The following GCSAML variants were observed in gnomAD, a reference collection of about 807,000 sequenced individuals.
GCSAML encodes germinal center associated signaling and motility like.
GCSAML carries 9 observed loss-of-function variants against 13.0 expected under a neutral mutation model. That is an observed-to-expected ratio of 0.69 (90% CI 0.42 to 1.21). The LOEUF (loss-of-function observed/expected upper bound fraction) is 1.21. Among genes scored for constraint, GCSAML ranks in the 50% most tolerant of loss-of-function variants. The pLI is 0.00. For missense variants in GCSAML, 143 were observed against 153.4 expected (o/e 0.93, Z 0.36); for synonymous variants, 37 against 52.9 (o/e 0.70, Z 1.31).
chr1:247,531,765 C>T (rs1666972306), intron 2 of GCSAML: 2 of 1,614,186 alleles, frequency 1.2e-6, no homozygotes, highest in East Asian at 2.2e-5. Context: ...AAAACAGAGA[C>T]ACCACAGCCA....
At chr1:247,561,987 A>T (rs1449529911) in intron 2 of GCSAML, among the ~76,000 whole-genome samples, 1 of 152,110 alleles carries the variant, frequency 6.6e-6, no homozygotes. Context: ...CAGGCTTAAG[A>T]CCTGTCCTCT....
chr1:247,566,041 A>G, intron 4 of GCSAML, 82 bp downstream of exon 4: 1 of 932,724 alleles, frequency 1.1e-6, no homozygotes. Context: ...AATACAGATG[A>G]TTTATTCAAG....
intron 2 of GCSAML, chr1:247,532,439 C>G (rs778698708): frequency 6.2e-7 from 1 of 1,614,040 alleles, no homozygotes; most frequent in Non-Finnish European, 8.5e-7. Flanking sequence ...AGGACAGTTT[C>G]TAGTGAGGGT....
At chr1:247,532,196 G>T in intron 2 of GCSAML, 1 of 1,614,150 alleles carries the variant, frequency 6.2e-7, no homozygotes, top group Non-Finnish European at 8.5e-7. Flanking sequence ...CCCAGCCAAT[G>T]GGAGATATAG....
chr1:247,546,513 C>T (rs1319321509), upstream of GCSAML, among the ~76,000 whole-genome samples: 10 of 152,098 alleles, frequency 6.6e-5, no homozygotes, highest in Non-Finnish European at 8.8e-5. Context: ...TGCCCGCCAC[C>T]ACGCCTGGCT....
chr1:247,556,158 C>T (rs1667938014), intron 1 of GCSAML, among the ~76,000 whole-genome samples: 1 of 152,110 alleles, frequency 6.6e-6, no homozygotes, highest in African/African-American at 2.4e-5. Context: ...TGTTGGGTCA[C>T]AAGAAATCCT....
chr1:247,552,642 C>A (rs1667814098), intron 1 of GCSAML, among the ~76,000 whole-genome samples: 1 of 152,186 alleles, frequency 6.6e-6, no homozygotes, highest in African/African-American at 2.4e-5. Flanking sequence ...TAAATTTGTA[C>A]ACAAATTCTG....
chr1:247,524,663 C>A (rs1021701066), intron 1 of GCSAML: 1 of 151,976 alleles, frequency 6.6e-6, no homozygotes, highest in Non-Finnish European at 1.5e-5. Context: ...ATGAACAGTC[C>A]CACAACTAGA....
In GCSAML at chr1:247,556,483, T is replaced by G. The variant is rs367895671; in HGVS notation, c.89+17T>G. On this transcript the variant is annotated intron_variant, in intron 2 of 4. Transcript: ENST00000366488. ...AAGAAAACGGTAAGAACAGAGCATCTCAGAGTTTTTTTGTTTTGTTTTGTT... is the reference window on the plus strand; with the variant it reads ...AAGAAAACGGTAAGAACAGAGCATCGCAGAGTTTTTTTGTTTTGTTTTGTT... The G allele has an allele frequency of 1.3e-6, 2 of 1,584,918 alleles. No homozygotes were observed. The highest frequency in any genetic ancestry group is 1.7e-6 in the Non-Finnish European group (2 of 1,159,362).
chr1:247,540,573 T>C (rs1277991153), intron 2 of GCSAML, among the ~76,000 whole-genome samples: 2 of 152,262 alleles, frequency 1.3e-5, no homozygotes, highest in African/African-American at 4.8e-5. Flanking sequence ...CTACTTTGTT[T>C]CTTCTGCATC....
chr1:247,508,326 G>C (rs898737905), intron 1 of GCSAML, among the ~76,000 whole-genome samples: 3 of 152,116 alleles, frequency 2.0e-5, no homozygotes, highest in African/African-American at 7.2e-5. Context: ...TTTGAGAAGT[G>C]TCTATTTATA....
At chr1:247,522,402 C>T (rs533219704) in intron 1 of GCSAML, among the ~76,000 whole-genome samples, 405 of 152,144 alleles carry the variant, frequency 2.7e-3, no homozygotes, top group Middle Eastern at 0.02. Context: ...GCCGCCACCC[C>T]GTCTGGGAGG....
chr1:247,553,353 T>C (rs1367990026), intron 1 of GCSAML, among the ~76,000 whole-genome samples: 2 of 152,190 alleles, frequency 1.3e-5, no homozygotes, highest in African/African-American at 2.4e-5. Flanking sequence ...AGTTAATATA[T>C]CATCTATAAA....
intron 2 of GCSAML, chr1:247,529,819 C>T (rs1224562568): frequency 6.7e-6 from 1 of 148,962 alleles, no homozygotes; most frequent in Non-Finnish European, 1.5e-5. Flanking sequence ...GGGTCTCATC[C>T]CATCAGTTGA....
chr1:247,525,595 C>T (rs1157074716), intron 1 of GCSAML: 1 of 152,258 alleles, frequency 6.6e-6, no homozygotes, highest in Non-Finnish European at 1.5e-5. Flanking sequence ...CTTGCATGCT[C>T]TCTCCAGGTT....
At chr1:247,529,672 T>C (rs36176682) in intron 2 of GCSAML, 2 of 151,326 alleles carry the variant, frequency 1.3e-5, no homozygotes, top group African/African-American at 4.9e-5. Context: ...TGGACTATGG[T>C]GCCCAGTTTT....
At chr1:247,543,799 A>ATTTTTTTTTTTTTTTTTTTTTTTTTTT (rs1265521616) in intron 2 of GCSAML, among the ~76,000 whole-genome samples, 32 of 151,682 alleles carry the variant, frequency 2.1e-4, no homozygotes, top group Non-Finnish European at 4.4e-4. Flanking sequence ...TATTAAAAAA[A>ATTTTTTTTTTTTTTTTTTTTTTTTTTT]TTTTTTTAGA....
chr1:247,517,117 A>T (rs886450492), intron 1 of GCSAML, among the ~76,000 whole-genome samples: 13 of 151,874 alleles, frequency 8.6e-5, no homozygotes, highest in Non-Finnish European at 1.0e-4. Flanking sequence ...ATGGCAAGGA[A>T]GAAAATCCTT....
intron 1 of GCSAML, among the ~76,000 whole-genome samples, chr1:247,512,287 G>A (rs1666068138): frequency 6.6e-6 from 1 of 151,370 alleles, no homozygotes; most frequent in Admixed American, 6.6e-5. Flanking sequence ...CCTTTCTTCT[G>A]CTTGATCAAT....
Sources: gnomAD v4.1 joint callset for allele counts (sites outside exome capture counted in the v4.1 genomes callset) on GRCh38, gnomAD v4.1.1 for gene constraint, MANE v1.5 for transcripts, NCBI Gene and HGNC (gene_info 2026-07-23, HGNC 2026-07-21) for gene names.